GIGYF2: variants seen among roughly 807,000 people sequenced by gnomAD.
GIGYF2 encodes the protein GRB10-interacting GYF protein 2.
In GIGYF2, 25 loss-of-function variants were observed where a neutral mutation model predicts 208.1. That is an observed-to-expected ratio of 0.12 (90% CI 0.09 to 0.17). The LOEUF is 0.17. GIGYF2 is among the 10% of genes least tolerant of loss of function. GIGYF2 has a pLI of 1.00. For synonymous variants in GIGYF2, 534 were observed against 543.8 expected, an observed-to-expected ratio of 0.98 and a Z score of 0.25; for missense variants, 1,302 against 1,579.4, an observed-to-expected ratio of 0.82 and a Z score of 2.98.
intron 2 of GIGYF2, among the ~76,000 whole-genome samples, chr2:232,706,894 C>A (rs143913735): frequency 0.014 from 2,174 of 150,116 alleles, 40 homozygotes; most frequent in Admixed American, 0.058. Flanking sequence ...TGTACTGAGC[C>A]GTGATTGCAC....
chr2:232,773,630 T>C (rs991876600), intron 8 of GIGYF2, among the ~76,000 whole-genome samples: 1 of 152,116 alleles, frequency 6.6e-6, no homozygotes, highest in Non-Finnish European at 1.5e-5. Flanking sequence ...TATTAAACCA[T>C]TGTTAACTTT....
chr2:232,795,426 G>T (rs1437630679), intron 13 of GIGYF2, among the ~76,000 whole-genome samples: 2 of 152,138 alleles, frequency 1.3e-5, no homozygotes. Flanking sequence ...TTCCCTTTGG[G>T]GTGGGATGGT....
intron 23 of GIGYF2, 83 bp downstream of exon 23, chr2:232,840,054 A>T: frequency 1.5e-6 from 2 of 1,340,654 alleles, no homozygotes. Context: ...GTTACTGAGG[A>T]CAATTACTGT....
At chr2:232,837,378 G>A (rs1476410133) in intron 22 of GIGYF2, among the ~76,000 whole-genome samples, 2 of 152,216 alleles carry the variant, frequency 1.3e-5, no homozygotes, top group Non-Finnish European at 2.9e-5. Context: ...AACTCTTGCT[G>A]TTCTTACTGA....
At chr2:232,738,479 TCATGTTGTGTATCAAAATGTAA>T (rs1195408574) in intron 3 of GIGYF2, among the ~76,000 whole-genome samples, 1 of 152,196 alleles carries the variant, frequency 6.6e-6, no homozygotes, top group African/African-American at 2.4e-5. Context: ...TAATTTTTCT[TCATGTTGTGTATCAAAATGTAA>T]CATGACAAAT....
At chr2:232,766,221 T>C (rs1377804579) in intron 8 of GIGYF2, among the ~76,000 whole-genome samples, 1 of 152,326 alleles carries the variant, frequency 6.6e-6, no homozygotes, top group East Asian at 1.9e-4. Context: ...TTATAAAGTG[T>C]TTATTAAATA....
intron 8 of GIGYF2, among the ~76,000 whole-genome samples, chr2:232,785,303 A>T (rs1476014862): frequency 6.6e-6 from 1 of 152,148 alleles, no homozygotes; most frequent in African/African-American, 2.4e-5. Flanking sequence ...ATCTAGAAGC[A>T]GCTTAGCCTA....
intron 5 of GIGYF2, among the ~76,000 whole-genome samples, chr2:232,750,863 T>A (rs1030627360): frequency 5.3e-5 from 8 of 152,146 alleles, no homozygotes; most frequent in African/African-American, 1.9e-4. Context: ...AGGGTCTCAC[T>A]CTGTCACCCA....
chr2:232,765,468 C>T (rs1698918220), intron 8 of GIGYF2: 1 of 152,348 alleles, frequency 6.6e-6, no homozygotes. Flanking sequence ...GAATTACAGA[C>T]ATCTTTAGAT....
intron 14 of GIGYF2, among the ~76,000 whole-genome samples, chr2:232,799,635 A>G (rs544642269): frequency 6.6e-6 from 1 of 152,046 alleles, no homozygotes; most frequent in South Asian, 2.1e-4. Context: ...CCTGTTTTCA[A>G]TCCTTTTGGG....
chr2:232,847,194 AAG>A (rs1224696802), intron 26 of GIGYF2, among the ~76,000 whole-genome samples, 152 bp from the exon 27 acceptor site: 1 of 152,246 alleles, frequency 6.6e-6, no homozygotes, highest in East Asian at 1.9e-4. Context: ...GGGTAGATAA[AAG>A]AATATTTAAA....
chr2:232,843,630 T>G (rs1002915040), intron 23 of GIGYF2, among the ~76,000 whole-genome samples: 3 of 151,186 alleles, frequency 2.0e-5, no homozygotes, highest in African/African-American at 7.3e-5. Flanking sequence ...TCCCAGCACT[T>G]TGGGAAGCCG....
At chr2:232,784,680 A>G (rs1699856071) in intron 8 of GIGYF2, among the ~76,000 whole-genome samples, 1 of 152,126 alleles carries the variant, frequency 6.6e-6, no homozygotes, top group Non-Finnish European at 1.5e-5. Flanking sequence ...CCTGGCCACA[A>G]AATAATTTAT....
intron 22 of GIGYF2, among the ~76,000 whole-genome samples, chr2:232,838,019 C>G (rs574652851): frequency 1.2e-4 from 19 of 152,268 alleles, no homozygotes; most frequent in Middle Eastern, 3.4e-3. Context: ...GATTGACACA[C>G]TGCAGTTCTC....
intron 3 of GIGYF2, among the ~76,000 whole-genome samples, chr2:232,737,885 C>A (rs1404576043): frequency 6.7e-6 from 1 of 150,294 alleles, no homozygotes; most frequent in Non-Finnish European, 1.5e-5. Context: ...AGGAACAGAC[C>A]ATGAGTGGCT....
rs748145019 is a variant in GIGYF2 at position 232,832,883 on chromosome 2, GGAA to G, written c.2567_2569del (p.Glu856del). 26 of 1,557,498 alleles carry G rather than the reference GGAA, an allele frequency of 1.7e-5. No homozygotes were observed. Among genetic ancestry groups the G allele is most frequent in the East Asian group, 7.3e-5 (3 of 41,334 alleles). On this transcript the variant is annotated inframe_deletion, in exon 22 of 29. Transcript: ENST00000373563. ...AAGAGGAGGCTGCAAAATGGGCCCG[GGAA>G]GAAGAAGAAGCCCAGCGTCGATTAG...
intron 14 of GIGYF2, among the ~76,000 whole-genome samples, chr2:232,805,612 G>T (rs1700538096): frequency 6.6e-6 from 1 of 152,144 alleles, no homozygotes; most frequent in Admixed American, 6.5e-5. Context: ...TAGGTCATGT[G>T]TTCTGGTTGC....
At chr2:232,717,201 C>T (rs1257261895) in intron 2 of GIGYF2, among the ~76,000 whole-genome samples, 1 of 152,060 alleles carries the variant, frequency 6.6e-6, no homozygotes, top group Non-Finnish European at 1.5e-5. Context: ...AATCCCAGTG[C>T]TTTGGGAGGC....
intron 3 of GIGYF2, among the ~76,000 whole-genome samples, chr2:232,740,673 TTAAC>T (rs1239965963): frequency 2.6e-5 from 4 of 152,216 alleles, no homozygotes; most frequent in Non-Finnish European, 4.4e-5. Flanking sequence ...TAATATTTAG[TTAAC>T]TAATTTAGTT....
Sources: gnomAD v4.1 joint callset for allele counts (sites outside exome capture counted in the v4.1 genomes callset) on GRCh38, gnomAD v4.1.1 for gene constraint, MANE v1.5 for transcripts, NCBI Gene and HGNC (gene_info 2026-07-23, HGNC 2026-07-21) for gene names.